N4BP2L2: variants seen among roughly 807,000 people sequenced by gnomAD.
N4BP2L2 encodes the protein NEDD4-binding protein 2-like 2.
N4BP2L2 carries 50 observed loss-of-function variants against 56.2 expected under a neutral mutation model. The ratio of observed to expected loss-of-function variants is 0.89; its 90% confidence interval spans 0.71 to 1.13. N4BP2L2 has a LOEUF of 1.13. Ranked by LOEUF, N4BP2L2 falls within the 50% of genes most tolerant of loss-of-function variation. N4BP2L2 has a pLI of 0.00. For synonymous variants in N4BP2L2, 203 were observed against 223.6 expected (o/e 0.91, Z 0.82); for missense variants, 689 against 693.8 (o/e 0.99, Z 0.08).
At chr13:32,536,630 T>C (rs2056620875) in exon 2 of N4BP2L2, 1 of 1,613,868 alleles carries the variant, frequency 6.2e-7, no homozygotes, top group Admixed American at 1.7e-5. Context: ...ACGTTTCTTT[T>C]TCTCAGGGGG....
At chr13:32,529,035 T>A (rs1449859190) in intron 2 of N4BP2L2, among the ~76,000 whole-genome samples, 3 of 152,210 alleles carry the variant, frequency 2.0e-5, no homozygotes, top group Non-Finnish European at 1.5e-5. Context: ...ACAATGTGAA[T>A]ATTATGTAAA....
At chr13:32,534,956 A>G (rs1036136950) in intron 2 of N4BP2L2, among the ~76,000 whole-genome samples, 6 of 152,244 alleles carry the variant, frequency 3.9e-5, no homozygotes, top group African/African-American at 1.2e-4. Flanking sequence ...GGAATTTGAA[A>G]TATCTTGTAA....
intron 6 of N4BP2L2, chr13:32,446,451 T>C: frequency 7.4e-7 from 1 of 1,345,550 alleles, no homozygotes; most frequent in Admixed American, 2.0e-5. Context: ...GAAAACAAAC[T>C]CCCCTGTCTT....
chr13:32,512,782 A>G, exon 6 of N4BP2L2: 1 of 152,552 alleles, frequency 6.6e-6, no homozygotes, highest in Non-Finnish European at 1.5e-5. Flanking sequence ...CAGTAATCCC[A>G]GCACTTTGGG....
At chr13:32,438,771 A>G (rs748115361) in intron 7 of N4BP2L2, 10 of 1,490,296 alleles carry the variant, frequency 6.7e-6, no homozygotes, top group East Asian at 2.3e-5. Flanking sequence ...TCTCATCTCT[A>G]ATGTCACACA....
chr13:32,526,818 G>GTTTTTTTTGTTT (rs2053007178), intron 3 of N4BP2L2: 1 of 24,236 alleles, frequency 4.1e-5, no homozygotes, highest in Non-Finnish European at 7.9e-5. Flanking sequence ...CTTTTTGTCT[G>GTTTTTTTTGTTT]TTTTTTTTTT....
intron 6 of N4BP2L2, among the ~76,000 whole-genome samples, chr13:32,465,425 T>C (rs1413526627): frequency 6.6e-6 from 1 of 152,222 alleles, no homozygotes; most frequent in African/African-American, 2.4e-5. Context: ...TATAAATCCA[T>C]ATTGATGGAC....
intron 6 of N4BP2L2, among the ~76,000 whole-genome samples, chr13:32,445,074 C>T (rs903013480): frequency 5.9e-5 from 9 of 152,128 alleles, no homozygotes; most frequent in Non-Finnish European, 4.4e-5. Context: ...CGTGGCGAAA[C>T]CCTGTCTCTA....
chr13:32,449,120 T>A (rs1473906950), intron 6 of N4BP2L2, among the ~76,000 whole-genome samples: 1 of 152,234 alleles, frequency 6.6e-6, no homozygotes, highest in Non-Finnish European at 1.5e-5. Context: ...TATTAATGAC[T>A]CACACTAAAT....
intron 6 of N4BP2L2, among the ~76,000 whole-genome samples, chr13:32,493,407 C>T (rs954623760): frequency 6.6e-6 from 1 of 152,096 alleles, no homozygotes; most frequent in East Asian, 1.9e-4. Flanking sequence ...ACAACAAAAC[C>T]TATTTACAGT....
intron 4 of N4BP2L2, 73 bp downstream of exon 4, chr13:32,522,109 C>A: frequency 1.0e-6 from 1 of 997,434 alleles, no homozygotes; most frequent in Admixed American, 2.3e-5. Context: ...CAAGATCCAA[C>A]CAGCCAAAAT....
rs1199507979 is a variant in N4BP2L2 at position 32,527,407 on chromosome 13, C to A, written c.1384+1G>T. The A allele has an allele frequency of 1.2e-6, 2 of 1,613,534 alleles. No individual in the cohort carries two copies. On this transcript the variant is annotated splice_donor_variant, in intron 3 of 5. Coordinates refer to ENST00000267068, the Ensembl canonical transcript of N4BP2L2. LOFTEE classifies it high-confidence loss of function. ...CCTGGGACACTTAGCCCAAAACAAACCTCTGTTCTGGTTCCAGTCATGGGC... is the reference window on the plus strand; with the variant it reads ...CCTGGGACACTTAGCCCAAAACAAAACTCTGTTCTGGTTCCAGTCATGGGC...
intron 7 of N4BP2L2, among the ~76,000 whole-genome samples, chr13:32,440,399 T>C (rs915586291): frequency 6.6e-6 from 1 of 152,174 alleles, no homozygotes; most frequent in Non-Finnish European, 1.5e-5. Flanking sequence ...ATATCAGCTA[T>C]TGAGTTACAG....
chr13:32,451,603 G>A (rs1593477911), intron 6 of N4BP2L2, among the ~76,000 whole-genome samples: 1 of 152,096 alleles, frequency 6.6e-6, no homozygotes, highest in African/African-American at 2.4e-5. Flanking sequence ...GTGCAGTGGT[G>A]TAATCACCAC....
rs547981974 is a variant in N4BP2L2 at position 32,498,457 on chromosome 13, G to A, written c.365+19400C>T. Among the ~76,000 whole-genome samples, 34 of 152,034 alleles carry A rather than the reference G, an allele frequency of 2.2e-4. No homozygotes were observed. In the South Asian group the frequency reaches 6.9e-3, roughly 31 times the overall value. On this transcript the variant is annotated intron_variant, in intron 6 of 9. Transcript: ENST00000357505. ...CGTGTCCTGGGTTCAAATGATTCTC[G>A]TGCCTCAGCCGAATAGCTGGGATTA...
chr13:32,453,643 T>C (rs1593495386), intron 6 of N4BP2L2, among the ~76,000 whole-genome samples: 1 of 152,332 alleles, frequency 6.6e-6, no homozygotes, highest in East Asian at 1.9e-4. Flanking sequence ...TATGTCACTG[T>C]GCCTAGCTCT....
intron 6 of N4BP2L2, chr13:32,446,396 C>A: frequency 7.3e-7 from 1 of 1,364,852 alleles, no homozygotes; most frequent in Non-Finnish European, 9.8e-7. Flanking sequence ...GTCCAAGGTG[C>A]AATGTCAGTT....
At chr13:32,489,092 A>T (rs781254185) in intron 6 of N4BP2L2, among the ~76,000 whole-genome samples, 1 of 152,156 alleles carries the variant, frequency 6.6e-6, no homozygotes, top group Non-Finnish European at 1.5e-5. Flanking sequence ...AAACAAACAA[A>T]CATATTCTGT....
At chr13:32,461,832 G>A (rs914355215) in intron 6 of N4BP2L2, among the ~76,000 whole-genome samples, 1 of 152,116 alleles carries the variant, frequency 6.6e-6, no homozygotes, top group Admixed American at 6.5e-5. Flanking sequence ...GAACTCCTGG[G>A]CTCAAGCAAT....
Sources: gnomAD v4.1 joint callset for allele counts (sites outside exome capture counted in the v4.1 genomes callset) on GRCh38, gnomAD v4.1.1 for gene constraint, MANE v1.5 for transcripts, NCBI Gene and HGNC (gene_info 2026-07-23, HGNC 2026-07-21) for gene names.